Variants in TSPAN5 observed in about 807,000 individuals in gnomAD.
The protein encoded by TSPAN5 is tetraspanin-5.
TSPAN5 carries 10 observed loss-of-function variants against 37.1 expected under a neutral mutation model. The ratio of observed to expected loss-of-function variants is 0.27; its 90% CI spans 0.17 to 0.46. TSPAN5 has a LOEUF of 0.46. Among genes scored for constraint, TSPAN5 ranks in the 20% least tolerant of loss-of-function variants. The pLI is 1.00. For synonymous variants in TSPAN5, 110 were observed against 118.9 expected (o/e 0.93, Z 0.48); for missense variants, 195 against 326.6 (o/e 0.60, Z 3.11).
chr4:98,556,296 T>C (rs1754749371), intron 1 of TSPAN5, among the ~76,000 whole-genome samples: 1 of 152,232 alleles, frequency 6.6e-6, no homozygotes, highest in Admixed American at 6.5e-5. Context: ...AGAGACTCCC[T>C]AACTGCATCT....
At chr4:98,567,471 T>C (rs1187972053) in intron 1 of TSPAN5, among the ~76,000 whole-genome samples, 1 of 152,260 alleles carries the variant, frequency 6.6e-6, no homozygotes, top group Admixed American at 6.5e-5. Context: ...CAGGCACATC[T>C]AACCATTTAC....
intron 1 of TSPAN5, among the ~76,000 whole-genome samples, chr4:98,641,351 G>T (rs79219725): frequency 0.022 from 3,282 of 152,124 alleles, 60 homozygotes; most frequent in Non-Finnish European, 0.031. Context: ...AGATGACAAA[G>T]AATTTCAAAT....
chr4:98,627,558 C>G (rs918786910), intron 1 of TSPAN5, among the ~76,000 whole-genome samples: 48 of 152,212 alleles, frequency 3.2e-4, no homozygotes, highest in African/African-American at 1.1e-3. Flanking sequence ...TCCCCCATTC[C>G]TCCATGAAAA....
intron 1 of TSPAN5, among the ~76,000 whole-genome samples, chr4:98,556,455 T>C (rs1578990337): frequency 1.3e-5 from 2 of 152,318 alleles, no homozygotes; most frequent in East Asian, 1.9e-4. Context: ...TGGCAGTATA[T>C]GAATGCCATC....
intron 1 of TSPAN5, among the ~76,000 whole-genome samples, chr4:98,511,560 T>C (rs190399894): frequency 6.6e-5 from 10 of 152,334 alleles, no homozygotes; most frequent in African/African-American, 2.4e-5. Flanking sequence ...GTATATGCAG[T>C]TGGCTGTTAA....
At chr4:98,570,827 A>G (rs1755102110) in intron 1 of TSPAN5, among the ~76,000 whole-genome samples, 1 of 152,018 alleles carries the variant, frequency 6.6e-6, no homozygotes, top group African/African-American at 2.4e-5. Context: ...ACTTATGTCC[A>G]CATCGCACCT....
chr4:98,513,611 T>C (rs186350701), intron 1 of TSPAN5, among the ~76,000 whole-genome samples: 3 of 152,240 alleles, frequency 2.0e-5, no homozygotes, highest in South Asian at 4.2e-4. Flanking sequence ...TGGCATCTTC[T>C]ACAGAGACTA....
At chr4:98,566,837 G>A (rs531135449) in intron 1 of TSPAN5, among the ~76,000 whole-genome samples, 4 of 152,334 alleles carry the variant, frequency 2.6e-5, no homozygotes, top group Admixed American at 6.5e-5. Context: ...GGCACCGCAC[G>A]CAGGACAGGA....
intron 1 of TSPAN5, among the ~76,000 whole-genome samples, chr4:98,627,685 T>C (rs1756639982): frequency 6.6e-6 from 1 of 152,146 alleles, no homozygotes; most frequent in Admixed American, 6.6e-5. Context: ...AGCAGAACAT[T>C]TGTGTGTATA....
At chr4:98,549,601 G>A (rs1467957783) in intron 1 of TSPAN5, among the ~76,000 whole-genome samples, 2 of 151,880 alleles carry the variant, frequency 1.3e-5, no homozygotes, top group South Asian at 2.1e-4. Context: ...ACCTGGCCTC[G>A]TTGTGATTTT....
chr4:98,497,470 G>A (rs925845036), intron 2 of TSPAN5, among the ~76,000 whole-genome samples: 4 of 152,118 alleles, frequency 2.6e-5, no homozygotes, highest in Non-Finnish European at 4.4e-5. Context: ...CCAGCCTGGC[G>A]AACTGTGAGA....
At chr4:98,598,760 G>A (rs762281631) in intron 1 of TSPAN5, among the ~76,000 whole-genome samples, 2 of 152,158 alleles carry the variant, frequency 1.3e-5, no homozygotes, top group Non-Finnish European at 2.9e-5. Context: ...GAGCCACCGT[G>A]CCTGGCCCCT....
intron 1 of TSPAN5, among the ~76,000 whole-genome samples, chr4:98,646,986 G>A (rs561624772): frequency 5.2e-4 from 79 of 152,104 alleles, no homozygotes; most frequent in Non-Finnish European, 9.4e-4. Flanking sequence ...CAGATGAAGG[G>A]GAGACTTAAC....
At chr4:98,608,681 C>T (rs538011039) in intron 1 of TSPAN5, among the ~76,000 whole-genome samples, 2 of 152,264 alleles carry the variant, frequency 1.3e-5, no homozygotes, top group African/African-American at 4.8e-5. Context: ...AGAAAATCCA[C>T]AACATGTTGC....
intron 5 of TSPAN5, among the ~76,000 whole-genome samples, chr4:98,477,934 A>T (rs774216999): frequency 3.9e-5 from 6 of 152,172 alleles, no homozygotes; most frequent in Non-Finnish European, 8.8e-5. Context: ...TGCTGGGATT[A>T]CAGGTGTGAA....
intron 1 of TSPAN5, among the ~76,000 whole-genome samples, chr4:98,605,441 G>A (rs930537679): frequency 1.3e-5 from 2 of 152,162 alleles, no homozygotes; most frequent in African/African-American, 2.4e-5. Context: ...GAGAAGAGCA[G>A]AGACATACCT....
chr4:98,628,817 C>T (rs1206670877), intron 1 of TSPAN5, among the ~76,000 whole-genome samples: 2 of 152,198 alleles, frequency 1.3e-5, no homozygotes, highest in African/African-American at 4.8e-5. Flanking sequence ...TGAGCTGTAT[C>T]ATACATTGTC....
At chr4:98,571,734 G>A (rs2110183008) in intron 1 of TSPAN5, among the ~76,000 whole-genome samples, 1 of 152,214 alleles carries the variant, frequency 6.6e-6, no homozygotes, top group East Asian at 1.9e-4. Context: ...TGTAAAATGG[G>A]CATCAAACTA....
chr4:98,524,285 G>A (rs1753914825), intron 1 of TSPAN5, among the ~76,000 whole-genome samples: 1 of 152,210 alleles, frequency 6.6e-6, no homozygotes, highest in African/African-American at 2.4e-5. Context: ...TTTAACCAGA[G>A]AGGGTCGCCA....
Sources: gnomAD v4.1 joint callset for allele counts (sites outside exome capture counted in the v4.1 genomes callset) on GRCh38, gnomAD v4.1.1 for gene constraint, MANE v1.5 for transcripts, NCBI Gene and HGNC (gene_info 2026-07-23, HGNC 2026-07-21) for gene names.